The following COMMD9 variants were observed in gnomAD, a reference collection of about 807,000 sequenced individuals.
COMMD9 encodes COMM domain-containing protein 9.
COMMD9 carries 22 observed loss-of-function variants against 23.4 expected under a neutral mutation model. The observed-to-expected ratio is 0.94, with a 90% CI of 0.67 to 1.34. The LOEUF is 1.34. Among genes scored for constraint, COMMD9 ranks in the 40% most tolerant of loss-of-function variants. COMMD9 has a pLI of 0.00. For synonymous variants in COMMD9, 99 were observed against 97.4 expected (o/e 1.02, Z -0.10); for missense variants, 231 against 240.2 (o/e 0.96, Z 0.25).
chr11:36,287,131 T>TACATA (rs1435835419), intron 1 of COMMD9, among the ~76,000 whole-genome samples: 4 of 86,654 alleles, frequency 4.6e-5, no homozygotes, highest in African/African-American at 1.8e-4. Context: ...ACATACTATG[T>TACATA]ATATCGCGTA....
In COMMD9 at chr11:36,278,019, G is replaced by A. The variant is rs534055142; in HGVS notation, c.317+458C>T. 6.6e-5 allele frequency among the ~76,000 whole-genome samples: 10 copies of A among 152,282 alleles called. No homozygotes were observed. The East Asian group carries it at 1.9e-3, about 29-fold the overall frequency. On this transcript the variant is annotated intron_variant, in intron 3 of 5. Coordinates refer to ENST00000263401, the MANE Select transcript of COMMD9 (RefSeq NM_014186.4). ...TAAGCACAGGAGCAAAGTTTTCATTGTAAATTGTTCACTGAAATGAAAAAA... is the reference window on the plus strand; with the variant it reads ...TAAGCACAGGAGCAAAGTTTTCATTATAAATTGTTCACTGAAATGAAAAAA...
intron 1 of COMMD9, 27 bp from the exon 2 acceptor site, chr11:36,280,864 A>G (rs1451731241): frequency 6.5e-7 from 1 of 1,529,800 alleles, no homozygotes; most frequent in East Asian, 2.3e-5. Flanking sequence ...AGATAGGAAA[A>G]AAAAAAACTC....
At chr11:36,278,002 G>A (rs2133426148) in intron 3 of COMMD9, among the ~76,000 whole-genome samples, 1 of 152,258 alleles carries the variant, frequency 6.6e-6, no homozygotes, top group African/African-American at 2.4e-5. Context: ...ATTAAGCACA[G>A]GAGCAAAGTT....
In COMMD9 at chr11:36,274,256, T is replaced by C. The variant is rs1428592636; in HGVS notation, c.*376A>G. ...TTGGAAATGAACTAATTAGAGCTAA[T>C]GTTGGAAATAAACTTACTTATTGGA... On this transcript the variant is annotated 3_prime_UTR_variant, in exon 6 of 6. Transcript: ENST00000263401. 8 of 473,044 alleles carry C rather than the reference T, an allele frequency of 1.7e-5. No individual in the cohort carries two copies. The highest frequency in any genetic ancestry group is 2.3e-5 in the Admixed American group (1 of 43,028). 29.3% of individuals were successfully genotyped at this position (473,044 alleles called of 1,614,324 possible).
rs549182288 is a variant in COMMD9, at chr11:36,285,768, C to T, written c.51+3594G>A. ...TCAGTATTTGCAAATCTATGTAATC[C>T]ATCACATTAACAAAGAAAATCACAT... On this transcript the variant is annotated intron_variant, in intron 1 of 5. Coordinates refer to ENST00000263401, the MANE Select transcript of COMMD9 (RefSeq NM_014186.4). 1.8e-4 allele frequency among the ~76,000 whole-genome samples: 28 copies of T among 152,032 alleles called. No individual in the cohort carries two copies. The East Asian group carries it at 5.0e-3, about 27-fold the overall frequency.
intron 1 of COMMD9, among the ~76,000 whole-genome samples, chr11:36,284,444 C>T (rs536409500): frequency 6.6e-6 from 1 of 152,286 alleles, no homozygotes; most frequent in African/African-American, 2.4e-5. Flanking sequence ...CTGAGGACTT[C>T]AACACTCCTC....
rs1565351211 is a variant in COMMD9, at chr11:36,278,589, T to C, written c.205A>G (p.Arg69Gly). The change falls in exon 3 of 6, where the codon AGG becomes GGG. Residue 69 changes from arginine to glycine, a missense_variant. Transcript: ENST00000263401. ...ELLQALHRLT[R>G]LVAFRDLSSA... ...GACAGGTCACGGAATGCCACCAGCC[T>C]AGTGAGGCGGTGCAGAGCCTGGAGC... 5.6e-6 allele frequency: 9 copies of C among 1,614,002 alleles called. No individual in the cohort carries two copies. The highest frequency in any genetic ancestry group is 2.2e-5 in the East Asian group (1 of 44,890).
chr11:36,274,870 A>G, intron 5 of COMMD9, 98 bp from the exon 6 acceptor site: 1 of 1,462,876 alleles, frequency 6.8e-7, no homozygotes, highest in Non-Finnish European at 9.4e-7. Flanking sequence ...AGTTCTGCTG[A>G]ACCTCTGAAG....
intron 2 of COMMD9, among the ~76,000 whole-genome samples, chr11:36,279,250 C>T (rs771034038): frequency 2.6e-5 from 4 of 152,200 alleles, no homozygotes; most frequent in African/African-American, 7.2e-5. Context: ...GCCGGCTGTG[C>T]GGGTTCCTCC....
In COMMD9 at chr11:36,276,259, A is replaced by G. The variant is rs1480018832; in HGVS notation, c.353-19T>C. Reference sequence around the variant, plus strand: ...AGAGAGACTGTGGAAGGAACAGCTCAGCTCAATGCTCATGCCGCCCGTGTT... The same window carrying G: ...AGAGAGACTGTGGAAGGAACAGCTCGGCTCAATGCTCATGCCGCCCGTGTT... On this transcript the variant is annotated intron_variant, in intron 4 of 5. Coordinates refer to ENST00000263401, the MANE Select transcript of COMMD9 (RefSeq NM_014186.4). 1.9e-6 allele frequency: 3 copies of G among 1,557,856 alleles called. No homozygotes were observed. The African/African-American group carries it at 4.1e-5, about 21-fold the overall frequency.
intron 1 of COMMD9, among the ~76,000 whole-genome samples, chr11:36,281,413 G>A (rs1331064164): frequency 1.3e-5 from 2 of 152,168 alleles, no homozygotes; most frequent in African/African-American, 4.8e-5. Context: ...GCTATAATGA[G>A]GTACCCCAAC....
intron 2 of COMMD9, among the ~76,000 whole-genome samples, chr11:36,279,096 C>T (rs538934440): frequency 1.3e-5 from 2 of 152,178 alleles, no homozygotes; most frequent in South Asian, 4.1e-4. Context: ...AGGCTCCTTT[C>T]GAGAACCTGA....
At chr11:36,276,366 AAGAC>A in intron 4 of COMMD9, 126 bp from the exon 5 acceptor site, 1 of 659,724 alleles carries the variant, frequency 1.5e-6, no homozygotes, top group African/African-American at 1.8e-5. Flanking sequence ...GTCTCTGAGA[AAGAC>A]AGATAAACAA....
intron 1 of COMMD9, among the ~76,000 whole-genome samples, chr11:36,281,871 G>A (rs1458765102): frequency 6.6e-6 from 1 of 152,132 alleles, no homozygotes; most frequent in East Asian, 1.9e-4. Context: ...ATTTTAAGTA[G>A]CCAGATAAAT....
chr11:36,288,771 G>C (rs1407122641), intron 1 of COMMD9, among the ~76,000 whole-genome samples: 4 of 152,196 alleles, frequency 2.6e-5, no homozygotes, highest in Admixed American at 6.5e-5. Flanking sequence ...CTGCTCTCCA[G>C]CCTGGACAAC....
chr11:36,275,150 G>T (rs1855949271), intron 5 of COMMD9, among the ~76,000 whole-genome samples: 1 of 152,200 alleles, frequency 6.6e-6, no homozygotes, highest in Non-Finnish European at 1.5e-5. Context: ...TTGGGATGCA[G>T]GAACAATCTT....
In COMMD9 at chr11:36,278,584, CAG is replaced by C. The variant is rs766649913; in HGVS notation, c.208_209del (p.Leu70GlyfsTer5). 5.0e-5 allele frequency: 80 copies of C among 1,614,054 alleles called. No homozygotes were observed. Among genetic ancestry groups the C allele is most frequent in the Admixed American group, 1.3e-4 (8 of 59,996 alleles). On this transcript the variant is annotated frameshift_variant, in exon 3 of 6. Transcript: ENST00000263401. LOFTEE classifies it high-confidence loss of function. ...CAGAGGACAGGTCACGGAATGCCACCAGCCTAGTGAGGCGGTGCAGAGCCTGG... is the reference window on the plus strand; with the variant it reads ...CAGAGGACAGGTCACGGAATGCCACCCCTAGTGAGGCGGTGCAGAGCCTGG... The part of the protein sequence containing the change: ...LLQALHRLTR[L>X]VAFRDLSSAE...
At chr11:36,282,632 G>A (rs1021178958) in intron 1 of COMMD9, among the ~76,000 whole-genome samples, 19 of 152,254 alleles carry the variant, frequency 1.2e-4, no homozygotes, top group African/African-American at 3.4e-4. Flanking sequence ...AAGACCTGCC[G>A]TAAAAGAATG....
chr11:36,286,310 G>A (rs1208439337), intron 1 of COMMD9, among the ~76,000 whole-genome samples: 1 of 150,736 alleles, frequency 6.6e-6, no homozygotes, highest in Non-Finnish European at 1.5e-5. Flanking sequence ...AGCACTTTGG[G>A]AGGCCAAGGC....
Sources: allele counts gnomAD v4.1 joint callset (sites outside exome capture counted in the v4.1 genomes callset), GRCh38; gene constraint gnomAD v4.1.1; transcripts MANE v1.5; gene names NCBI Gene and HGNC (gene_info 2026-07-23, HGNC 2026-07-21).